The following SMURF2 variants were observed in gnomAD, a reference collection of about 807,000 sequenced individuals.
The protein encoded by SMURF2 is E3 ubiquitin-protein ligase SMURF2.
Under a neutral mutation model 109.6 loss-of-function variants are expected in SMURF2, and 48 were observed. The observed-to-expected ratio is 0.44, with a 90% CI of 0.35 to 0.56. The LOEUF (loss-of-function observed/expected upper bound fraction) is 0.56. Ranked by LOEUF, SMURF2 falls within the 20% of genes least tolerant of loss-of-function variation. SMURF2 has a pLI of 0.01. For synonymous variants in SMURF2, 288 were observed against 317.1 expected (o/e 0.91, Z 0.97); for missense variants, 575 against 909.0 (o/e 0.63, Z 4.72).
At chr17:64,653,966 T>C (rs1970672644) in intron 1 of SMURF2, among the ~76,000 whole-genome samples, 1 of 152,064 alleles carries the variant, frequency 6.6e-6, no homozygotes, top group Non-Finnish European at 1.5e-5. Flanking sequence ...AAAAGAAGCC[T>C]CACCCAAAAG....
rs575193953 is a variant in SMURF2, at chr17:64,569,115, C to T, written c.1016+2683G>A. 1.4e-4 allele frequency among the ~76,000 whole-genome samples: 22 copies of T among 151,908 alleles called. No homozygotes were observed. In the South Asian group the frequency reaches 1.7e-3, roughly 11 times the overall value. On this transcript the variant is annotated intron_variant, in intron 10 of 18. Coordinates refer to ENST00000262435, the MANE Select transcript of SMURF2 (RefSeq NM_022739.4). ...AAGAGCTCGAGACCAGTCTGGGCAACGCGGTGAAACCCCATCTCTACTAAA... is the reference window on the plus strand; with the variant it reads ...AAGAGCTCGAGACCAGTCTGGGCAATGCGGTGAAACCCCATCTCTACTAAA...
At chr17:64,640,157 T>C (rs1273170356) in intron 1 of SMURF2, among the ~76,000 whole-genome samples, 2 of 152,212 alleles carry the variant, frequency 1.3e-5, no homozygotes, top group Non-Finnish European at 2.9e-5. Flanking sequence ...AAAGTTTATT[T>C]TTAAAAAGAC....
chr17:64,563,657 A>C (rs1969258719), intron 10 of SMURF2, among the ~76,000 whole-genome samples: 1 of 152,252 alleles, frequency 6.6e-6, no homozygotes, highest in Admixed American at 6.5e-5. Flanking sequence ...CAAAGCCATA[A>C]AACTTCTAAG....
intron 1 of SMURF2, among the ~76,000 whole-genome samples, chr17:64,640,319 T>G (rs1438566321): frequency 6.6e-6 from 1 of 151,536 alleles, no homozygotes; most frequent in African/African-American, 2.4e-5. Flanking sequence ...CACAGAAAAA[T>G]AAGAAGAAAC....
chr17:64,595,838 T>G (rs1413669321), intron 3 of SMURF2, among the ~76,000 whole-genome samples: 1 of 152,200 alleles, frequency 6.6e-6, no homozygotes, highest in African/African-American at 2.4e-5. Flanking sequence ...GGCCACAATT[T>G]TTTTTAAAAG....
chr17:64,545,828 G>A lies in SMURF2; in HGVS notation c.*20C>T, dbSNP rs1555683049. ...GTCAGGGTTGTATAAATAGAGTCCT[G>A]GGTAAATCCTTGAAGCTTGTCATTC... is the stretch of plus-strand genomic sequence containing the variant. On this transcript the variant is annotated 3_prime_UTR_variant, in exon 19 of 19. Coordinates refer to ENST00000262435, the MANE Select transcript of SMURF2 (RefSeq NM_022739.4). 6.9e-7 allele frequency: 1 copy of A among 1,458,768 alleles called. No homozygotes were observed. The allele number at this position is 1,458,768 out of a possible 1,614,324, so 90.4% of individuals were successfully genotyped here. A position where few individuals can be genotyped will look rare whatever the true frequency, so the allele number is the denominator to read the frequency against.
intron 1 of SMURF2, among the ~76,000 whole-genome samples, chr17:64,629,346 T>A (rs567078297): frequency 6.3e-4 from 95 of 151,964 alleles, no homozygotes; most frequent in East Asian, 4.4e-3. Context: ...ATAAAAAAAA[T>A]TTTTTTAATT....
chr17:64,566,561 G>GTTTGTTTTTTTTTTTTTTTTTT (rs1969305868), intron 10 of SMURF2, among the ~76,000 whole-genome samples: 3 of 43,784 alleles, frequency 6.9e-5, no homozygotes, highest in African/African-American at 2.3e-4. Flanking sequence ...AAGCTTTCTG[G>GTTTGTTTTTTTTTTTTTTTTTT]TTTTTTTTTT....
At chr17:64,620,178 A>G (rs1488213153) in intron 1 of SMURF2, among the ~76,000 whole-genome samples, 1 of 152,192 alleles carries the variant, frequency 6.6e-6, no homozygotes, top group Non-Finnish European at 1.5e-5. Context: ...ATAGCCGGTT[A>G]TCACATACCT....
chr17:64,603,901 A>G (rs1309997673), intron 2 of SMURF2, among the ~76,000 whole-genome samples: 3 of 152,224 alleles, frequency 2.0e-5, no homozygotes, highest in Admixed American at 6.5e-5. Flanking sequence ...TGAAAAATAT[A>G]TATCTATTTC....
intron 10 of SMURF2, among the ~76,000 whole-genome samples, chr17:64,569,486 T>C (rs1357764386): frequency 2.0e-5 from 3 of 151,342 alleles, no homozygotes; most frequent in African/African-American, 4.9e-5. Context: ...AGCTGGTCAA[T>C]AGGCCAAAAA....
At chr17:64,586,038 G>A (rs1555687035) in intron 6 of SMURF2, 48 bp downstream of exon 6, 2 of 1,232,308 alleles carry the variant, frequency 1.6e-6, no homozygotes, top group East Asian at 5.0e-5. Context: ...ATTCTTTTAA[G>A]GATATTATCT....
chr17:64,624,479 G>A lies in SMURF2; in HGVS notation c.53-17839C>T, dbSNP rs749944900. On this transcript the variant is annotated intron_variant, in intron 1 of 18. Transcript: ENST00000262435. ...CTCCCAAGTAGCTGGGATTACAGGC[G>A]CACGCCACCATGCCAGGCCTCTACA... Among the ~76,000 whole-genome samples, 280 of 139,326 alleles carry A rather than the reference G, an allele frequency of 2.0e-3. 1 individual carries two copies. Among genetic ancestry groups the A allele is most frequent in the Admixed American group, 3.3e-3 (43 of 13,174 alleles). The allele number at this position is 139,326 out of a possible 152,430, so 91.4% of individuals were successfully genotyped here. A position where few individuals can be genotyped will look rare whatever the true frequency, so the allele number is the denominator to read the frequency against.
intron 1 of SMURF2, among the ~76,000 whole-genome samples, chr17:64,618,206 G>C (rs144217428): frequency 1.8e-3 from 277 of 152,314 alleles, no homozygotes; most frequent in Middle Eastern, 3.4e-3. Flanking sequence ...GCTGAGGTGA[G>C]AGAATCACTT....
intron 1 of SMURF2, among the ~76,000 whole-genome samples, chr17:64,633,638 A>G (rs782424171): frequency 4.6e-5 from 7 of 152,202 alleles, no homozygotes; most frequent in Non-Finnish European, 1.0e-4. Flanking sequence ...AACATGAATT[A>G]TCTTACAACT....
chr17:64,617,403 A>G (rs1555690198), intron 1 of SMURF2, among the ~76,000 whole-genome samples: 1 of 152,232 alleles, frequency 6.6e-6, no homozygotes, highest in Non-Finnish European at 1.5e-5. Flanking sequence ...TAAAAGATAC[A>G]GGTTCTGAGG....
intron 1 of SMURF2, among the ~76,000 whole-genome samples, chr17:64,608,730 T>C (rs1970005102): frequency 2.0e-5 from 3 of 152,266 alleles, no homozygotes; most frequent in South Asian, 2.1e-4. Flanking sequence ...ATATTCATTC[T>C]TTTTCCCTTC....
At chr17:64,596,793 T>C (rs558067295) in intron 3 of SMURF2, among the ~76,000 whole-genome samples, 1 of 152,016 alleles carries the variant, frequency 6.6e-6, no homozygotes, top group South Asian at 2.1e-4. Flanking sequence ...CAGAACTGAA[T>C]ATATGGAGAA....
chr17:64,583,421 G>T, intron 7 of SMURF2, 40 bp downstream of exon 7: 1 of 1,515,586 alleles, frequency 6.6e-7, no homozygotes, highest in Non-Finnish European at 9.2e-7. Context: ...TCAGGAGGGT[G>T]GCTGGCATAG....
Sources: gnomAD v4.1 joint callset for allele counts (sites outside exome capture counted in the v4.1 genomes callset) on GRCh38, gnomAD v4.1.1 for gene constraint, MANE v1.5 for transcripts, NCBI Gene and HGNC (gene_info 2026-07-23, HGNC 2026-07-21) for gene names.